The following PPFIA2 variants were observed in gnomAD, a reference collection of about 807,000 sequenced individuals.
PPFIA2 encodes the protein liprin-alpha-2.
Under a neutral mutation model 175.5 loss-of-function variants are expected in PPFIA2, and 46 were observed. That is an observed-to-expected ratio of 0.26 (90% confidence interval 0.21 to 0.34). The LOEUF (loss-of-function observed/expected upper bound fraction) is 0.34, where lower values mean the gene tolerates loss of function less well. Among genes scored for constraint, PPFIA2 ranks in the 10% least tolerant of loss-of-function variants. The probability of loss-of-function intolerance (pLI) is 1.00; values close to 1 mark genes in which losing one functional copy is unlikely to be tolerated. For missense variants in PPFIA2, 1,179 were observed against 1,506.1 expected, an observed-to-expected ratio of 0.78 and a Z score of 3.60; for synonymous variants, 568 against 511.4, an observed-to-expected ratio of 1.11 and a Z score of -1.49.
At chr12:81,330,340 G>A (rs2055854639) in intron 21 of PPFIA2, among the ~76,000 whole-genome samples, 1 of 152,080 alleles carries the variant, frequency 6.6e-6, no homozygotes. Flanking sequence ...ATTAATTTGA[G>A]TAGCCAAAGA....
chr12:81,567,112 T>A (rs2071493521), intron 4 of PPFIA2, among the ~76,000 whole-genome samples: 1 of 152,244 alleles, frequency 6.6e-6, no homozygotes, highest in South Asian at 2.1e-4. Flanking sequence ...AGTGGCGCAA[T>A]CTCGGCTCAC....
intron 2 of PPFIA2, among the ~76,000 whole-genome samples, chr12:81,755,572 T>A (rs1568147136): frequency 6.6e-6 from 1 of 152,194 alleles, no homozygotes; most frequent in Non-Finnish European, 1.5e-5. Context: ...AGTCTTCATA[T>A]AAATTGGGTT....
rs540221704 is a variant in PPFIA2, at chr12:81,669,582, T to C, written c.303+7209A>G. 2.6e-5 allele frequency among the ~76,000 whole-genome samples: 4 copies of C among 152,072 alleles called. No homozygotes were observed. In the East Asian group the frequency reaches 7.7e-4, roughly 29 times the overall value. On this transcript the variant is annotated intron_variant, in intron 4 of 32. Coordinates refer to ENST00000549396, the MANE Select transcript of PPFIA2 (RefSeq NM_003625.5). ...TATTGAGTGTTCACGGAAAACTCTG[T>C]TAAAGTGACAATAAAACAAAGACCT...
chr12:81,265,911 T>C (rs928502769), intron 30 of PPFIA2, among the ~76,000 whole-genome samples: 1 of 152,216 alleles, frequency 6.6e-6, no homozygotes, highest in Non-Finnish European at 1.5e-5. Flanking sequence ...CAATAATTTC[T>C]AGTAAGGATT....
chr12:81,511,130 G>T (rs2061739974), intron 4 of PPFIA2, among the ~76,000 whole-genome samples: 1 of 152,068 alleles, frequency 6.6e-6, no homozygotes, highest in African/African-American at 2.4e-5. Flanking sequence ...AGCAATGAAA[G>T]CTGAACACTC....
chr12:81,394,605 G>A (rs944114478), intron 8 of PPFIA2, among the ~76,000 whole-genome samples: 29 of 151,854 alleles, frequency 1.9e-4, no homozygotes, highest in African/African-American at 6.5e-4. Flanking sequence ...GTTGAACAAC[G>A]AGAACACATG....
chr12:81,261,765 G>A lies in PPFIA2; in HGVS notation c.*33+184C>T, dbSNP rs559895946. Among the ~76,000 whole-genome samples, 75 of 152,282 alleles carry A rather than the reference G, an allele frequency of 4.9e-4. 1 individual carries two copies. Among genetic ancestry groups the A allele is most frequent in the Admixed American group, 7.8e-4 (12 of 15,300 alleles). ...CCTTAAACCACAGGAGACAGATGGTGATAGGAAATGCTAGACTAAGTGTTA... is the reference window on the plus strand; with the variant it reads ...CCTTAAACCACAGGAGACAGATGGTAATAGGAAATGCTAGACTAAGTGTTA... On this transcript the variant is annotated intron_variant, in intron 32 of 32. Transcript: ENST00000549396.
chr12:81,354,713 G>A lies in PPFIA2; in HGVS notation c.1774-1374C>T, dbSNP rs35320709. On this transcript the variant is annotated intron_variant, in intron 16 of 32. Transcript: ENST00000549396. Reference sequence around the variant, plus strand: ...GGCTGGAGGGCAGCGGCTTGATCTCGGCTCACTGCAACCTCTGCCACCCGA... The same window carrying A: ...GGCTGGAGGGCAGCGGCTTGATCTCAGCTCACTGCAACCTCTGCCACCCGA... 7.7e-3 allele frequency among the ~76,000 whole-genome samples: 1,166 copies of A among 151,760 alleles called. 14 individuals carry two copies. Among genetic ancestry groups the A allele is most frequent in the African/African-American group, 0.026 (1,092 of 41,326 alleles).
intron 21 of PPFIA2, among the ~76,000 whole-genome samples, chr12:81,338,334 A>G (rs918876682): frequency 1.3e-5 from 2 of 152,142 alleles, no homozygotes; most frequent in African/African-American, 4.8e-5. Flanking sequence ...ACAACCCCCC[A>G]TAAGTGAAGG....
intron 4 of PPFIA2, among the ~76,000 whole-genome samples, chr12:81,553,342 T>C (rs1362856725): frequency 6.6e-6 from 1 of 152,060 alleles, no homozygotes. Context: ...GGTGGTAAAT[T>C]GTATTTTTCA....
intron 6 of PPFIA2, among the ~76,000 whole-genome samples, chr12:81,442,356 G>A (rs575652722): frequency 6.6e-6 from 1 of 151,968 alleles, no homozygotes; most frequent in Non-Finnish European, 1.5e-5. Context: ...TTGCATTTGG[G>A]GAATTATCAC....
chr12:81,261,244 G>T (rs1421857923), intron 32 of PPFIA2: 2 of 152,068 alleles, frequency 1.3e-5, no homozygotes, highest in Non-Finnish European at 2.9e-5. Context: ...TTTTAAGACG[G>T]AGTCATGCTC....
At chr12:81,664,868 T>A (rs2069800127) in intron 4 of PPFIA2, among the ~76,000 whole-genome samples, 1 of 152,018 alleles carries the variant, frequency 6.6e-6, no homozygotes, top group Non-Finnish European at 1.5e-5. Context: ...TAAAAAAGGA[T>A]GAGTTAATGT....
intron 2 of PPFIA2, among the ~76,000 whole-genome samples, chr12:81,756,381 C>T (rs1365195014): frequency 6.6e-6 from 1 of 152,044 alleles, no homozygotes; most frequent in African/African-American, 2.4e-5. Flanking sequence ...CAGTGAATAC[C>T]CCAATATAAT....
At chr12:81,312,914 A>G (rs1409994109) in intron 22 of PPFIA2, among the ~76,000 whole-genome samples, 1 of 152,172 alleles carries the variant, frequency 6.6e-6, no homozygotes, top group Non-Finnish European at 1.5e-5. Context: ...TTCGGTGGCC[A>G]TATTACTTCC....
intron 7 of PPFIA2, among the ~76,000 whole-genome samples, chr12:81,421,252 C>T (rs909307456): frequency 6.6e-6 from 1 of 151,948 alleles, no homozygotes; most frequent in Admixed American, 6.6e-5. Flanking sequence ...TTAAGGTAAA[C>T]ATACAGAGAA....
At chr12:81,271,192 T>C (rs550517295) in intron 28 of PPFIA2, among the ~76,000 whole-genome samples, 2 of 152,314 alleles carry the variant, frequency 1.3e-5, no homozygotes, top group South Asian at 2.1e-4. Context: ...CTATTTGTCC[T>C]ATCTGTTCTT....
intron 22 of PPFIA2, among the ~76,000 whole-genome samples, chr12:81,301,670 C>A (rs1010031987): frequency 6.6e-6 from 1 of 152,206 alleles, no homozygotes; most frequent in African/African-American, 2.4e-5. Flanking sequence ...AAACTCCCAT[C>A]TCAGTCAGCA....
At chr12:81,515,691 C>G (rs753214329) in intron 4 of PPFIA2, among the ~76,000 whole-genome samples, 31 of 152,086 alleles carry the variant, frequency 2.0e-4, no homozygotes, top group African/African-American at 6.0e-4. Context: ...TTACCTCCCC[C>G]ACATTTTCTC....
Sources: gnomAD v4.1 joint callset for allele counts (sites outside exome capture counted in the v4.1 genomes callset) on GRCh38, gnomAD v4.1.1 for gene constraint, MANE v1.5 for transcripts, NCBI Gene and HGNC (gene_info 2026-07-23, HGNC 2026-07-21) for gene names.